The following C6orf15 variants were observed in gnomAD, a reference collection of about 807,000 sequenced individuals.
The protein encoded by C6orf15 is chromosome 6 open reading frame 15.
C6orf15 carries 5 observed loss-of-function variants against 2.8 expected under a neutral mutation model. That is an observed-to-expected ratio of 1.80 (90% CI 0.94 to 3.78). The LOEUF (loss-of-function observed/expected upper bound fraction) is 3.78. Ranked by LOEUF, C6orf15 falls within the 30% of genes most tolerant of loss-of-function variation. The pLI is 0.00. For synonymous variants in C6orf15, 145 were observed against 163.2 expected (o/e 0.89, Z 0.85); for missense variants, 363 against 418.8 (o/e 0.87, Z 1.16).
Position 31,111,974 on chromosome 6 carries a change from C to G in C6orf15, c.385G>C (p.Glu129Gln). ...MAAAAEDRLG[E>Q]ALPEELSYLS... ...TAAGAGAGTTCTTCAGGCAGCGCTT[C>G]CCCCAGGCGGTCCTCAGCCGCAGCA... Residue 129 changes from glutamate to glutamine, a missense_variant, in exon 2 of 2, where the codon GAA (glutamate) becomes CAA (glutamine). Glu to Gln is a conservative substitution (Grantham distance 29). Coordinates refer to ENST00000259870, the MANE Select transcript of C6orf15 (RefSeq NM_014070.3). The G allele has an allele frequency of 6.2e-7, 1 of 1,613,306 alleles. No homozygotes were observed. Among genetic ancestry groups the G allele is most frequent in the Non-Finnish European group, 8.5e-7 (1 of 1,179,996 alleles).
At position 31,111,750 on chromosome 6, in the gene C6orf15, A is replaced by ATC; in HGVS notation, c.608_609insGA (p.Leu204IlefsTer10). The ATC allele has an allele frequency of 6.2e-7, 1 of 1,612,582 alleles. No homozygotes were observed. Among genetic ancestry groups the ATC allele is most frequent in the Non-Finnish European group, 8.5e-7 (1 of 1,179,802 alleles). ...GGGTACCCCAGGGGTGATCAGGCAGAACCCTGTGGATGAGAGACCAGGGAG... is the reference window on the plus strand; with the variant it reads ...GGGTACCCCAGGGGTGATCAGGCAGATCACCCTGTGGATGAGAGACCAGGGAG... On this transcript the variant is annotated frameshift_variant, in exon 2 of 2. Coordinates refer to ENST00000259870, the MANE Select transcript of C6orf15 (RefSeq NM_014070.3). LOFTEE classifies it low-confidence loss of function (END_TRUNC).
At position 31,112,112 on chromosome 6, in the gene C6orf15, C is replaced by G. The variant is rs1265053; in HGVS notation, c.247G>C (p.Ala83Pro). 0.52 allele frequency: 845,986 copies of G among 1,613,682 alleles called. 224,176 individuals carry two copies. Among genetic ancestry groups the G allele is most frequent in the South Asian group, 0.62 (56,461 of 91,078 alleles). ...CCTGCAGGTGGGAAGCCATCTGATG[C>G]AGGCACGCTGAGCTTCAGAGGAACC... ...ARVPLKLSVP[A>P]SDGFPPAGGS... Residue 83 changes from alanine to proline, a missense_variant, in exon 2 of 2, where the codon GCA becomes CCA. Ala to Pro is a conservative substitution (Grantham distance 27, BLOSUM62 -1). Coordinates refer to ENST00000259870, the MANE Select transcript of C6orf15 (RefSeq NM_014070.3).
In C6orf15 at chr6:31,111,598, T is replaced by C; in HGVS notation, c.761A>G (p.Asn254Ser). 6.2e-7 allele frequency: 1 copy of C among 1,612,832 alleles called. No homozygotes were observed. Among genetic ancestry groups the C allele is most frequent in the Non-Finnish European group, 8.5e-7 (1 of 1,179,908 alleles). Residue 254 changes from asparagine to serine, a missense_variant, in exon 2 of 2, where the codon AAT becomes AGT. Physicochemically the swap from Asn to Ser is conservative, Grantham distance 46. Transcript: ENST00000259870. ...TCCCCAGCTGCCTCCTGGATACCGA[T>C]TAATATTTCCCCAGCTGGTACCTGG... ...QPPGTSWGNINRYPGGSWGNI... is the reference protein window; with the variant it reads ...QPPGTSWGNISRYPGGSWGNI...
At chr6:31,112,435 G>A in intron 1 of C6orf15, 54 bp downstream of exon 1, 3 of 1,479,218 alleles carry the variant, frequency 2.0e-6, no homozygotes, top group Non-Finnish European at 2.7e-6. Flanking sequence ...CTTAATTCCT[G>A]TTTCCTGGGG....
Position 31,112,212 on chromosome 6 carries a change from T to C in C6orf15, c.147A>G (p.Gln49=). 1 of 1,613,982 alleles carries C rather than the reference T, an allele frequency of 6.2e-7. No individual in the cohort carries two copies. Among genetic ancestry groups the C allele is most frequent in the Non-Finnish European group, 8.5e-7 (1 of 1,179,958 alleles). Residue 49 remains glutamine, a synonymous_variant, in exon 2 of 2, where the codon CAA becomes CAG. Coordinates refer to ENST00000259870, the MANE Select transcript of C6orf15 (RefSeq NM_014070.3). ...AGTTAGAGGGGCCAGTGGAGGAAGG[T>C]TGTCCGAGCTGAGGCAAGTTGGTCC... The part of the protein sequence containing the change: ...NLGTNLPQLG[Q]PSSTGPSNSE...
chr6:31,112,215 TC>T lies in C6orf15; in HGVS notation c.143del (p.Gly48AspfsTer30). On this transcript the variant is annotated frameshift_variant, in exon 2 of 2. Coordinates refer to ENST00000259870, the MANE Select transcript of C6orf15 (RefSeq NM_014070.3). LOFTEE classifies it low-confidence loss of function (END_TRUNC). ...TAGAGGGGCCAGTGGAGGAAGGTTG[TC>T]CGAGCTGAGGCAAGTTGGTCCCCAA... The part of the protein sequence containing the change: ...QNLGTNLPQL[G>X]QPSSTGPSNS... 6.2e-7 allele frequency: 1 copy of T among 1,614,080 alleles called. No homozygotes were observed. Among genetic ancestry groups the T allele is most frequent in the Non-Finnish European group, 8.5e-7 (1 of 1,179,990 alleles).
At chr6:31,112,325 C>G (rs1771834011) in intron 1 of C6orf15, 34 bp from the exon 2 acceptor site, 1 of 1,575,354 alleles carries the variant, frequency 6.3e-7, no homozygotes, top group Non-Finnish European at 8.6e-7. Context: ...AACCAGTGGT[C>G]TCCAGTCCCC....
In C6orf15 at chr6:31,112,540, C is replaced by T. The variant is rs780743237; in HGVS notation, c.16G>A (p.Ala6Thr). The change falls in exon 1 of 2, where the codon GCA (alanine) becomes ACA (threonine). Residue 6 changes from alanine (A) to threonine (T), a missense_variant. Coordinates refer to ENST00000259870, the MANE Select transcript of C6orf15 (RefSeq NM_014070.3). The part of the protein sequence containing the change: MQGRV[A>T]GSCAPLGLLL... ...AGGCCCAGAGGAGCGCAGCTCCCTGCCACGCGGCCCTGCATCCTGCTCAGC... is the reference window on the plus strand; with the variant it reads ...AGGCCCAGAGGAGCGCAGCTCCCTGTCACGCGGCCCTGCATCCTGCTCAGC... 2 of 1,548,576 alleles carry T rather than the reference C, an allele frequency of 1.3e-6. No homozygotes were observed. The highest frequency in any genetic ancestry group is 1.4e-5 in the African/African-American group (1 of 72,960).
rs1771761431 is a variant in C6orf15 at position 31,111,317 on chromosome 6, C to G, written c.*64G>C. 5 of 1,421,214 alleles carry G rather than the reference C, an allele frequency of 3.5e-6. No homozygotes were observed. The highest frequency in any genetic ancestry group is 4.7e-6 in the Non-Finnish European group (5 of 1,054,652). The allele number at this position is 1,421,214 out of a possible 1,614,324, so 88.0% of individuals were successfully genotyped here. ...ACATGCTGACAGGGCCTGGATTGAGCCCACACAGCAAGGGGCGGGAGCAGG... is the reference window on the plus strand; with the variant it reads ...ACATGCTGACAGGGCCTGGATTGAGGCCACACAGCAAGGGGCGGGAGCAGG... On this transcript the variant is annotated 3_prime_UTR_variant, in exon 2 of 2. Transcript: ENST00000259870.
rs774124600 is a variant in C6orf15 at position 31,111,693 on chromosome 6, G to A, written c.666C>T (p.Gly222=). The change falls in exon 2 of 2, where the codon GGC becomes GGT. Residue 222 remains glycine (G), a synonymous_variant. Transcript: ENST00000259870. ...GCCTCGTTCCCCAACCAGTCCCAGGGCCTCCACCTCCCCAGGACACACTGG... is the reference window on the plus strand; with the variant it reads ...GCCTCGTTCCCCAACCAGTCCCAGGACCTCCACCTCCCCAGGACACACTGG... The part of the protein sequence containing the change: ...LNPSVSWGGG[G]PGTGWGTRPM... The A allele has an allele frequency of 3.4e-5, 54 of 1,609,194 alleles. No individual in the cohort carries two copies. Among genetic ancestry groups the A allele is most frequent in the Non-Finnish European group, 4.2e-5 (50 of 1,177,328 alleles).
At position 31,112,042 on chromosome 6, in the gene C6orf15, G is replaced by C; in HGVS notation, c.317C>G (p.Ala106Gly). ...ATCCTCAGGGGGCCAGGAATCCATG[G>C]CAGGCAGCCCCCACGATGGAGGCCA... ...QRWPPSWGLP[A>G]MDSWPPEDPW... is the part of the protein sequence containing the mutation. The change falls in exon 2 of 2, where the codon GCC (alanine) becomes GGC (glycine). Residue 106 changes from alanine to glycine, a missense_variant. Ala to Gly is a moderately conservative substitution (Grantham distance 60). Coordinates refer to ENST00000259870, the MANE Select transcript of C6orf15 (RefSeq NM_014070.3). 6.2e-7 allele frequency: 1 copy of C among 1,614,094 alleles called. No individual in the cohort carries two copies. The highest frequency in any genetic ancestry group is 8.5e-7 in the Non-Finnish European group (1 of 1,180,002).
chr6:31,111,876 G>T lies in C6orf15; in HGVS notation c.483C>A (p.Gly161=). The part of the protein sequence containing the change: ...LPGESSPDAT[G]LSPKASLLHQ... Reference sequence around the variant, plus strand: ...GGAGGAGTGAAGCCTTGGGTGAGAGGCCTGTGGCATCGGGAGAAGACTCCC... The same window carrying T: ...GGAGGAGTGAAGCCTTGGGTGAGAGTCCTGTGGCATCGGGAGAAGACTCCC... Residue 161 remains glycine (G), a synonymous_variant, in exon 2 of 2, where the codon GGC becomes GGA. Transcript: ENST00000259870. The T allele has an allele frequency of 6.2e-7, 1 of 1,612,808 alleles. No individual in the cohort carries two copies. Among genetic ancestry groups the T allele is most frequent in the East Asian group, 2.2e-5 (1 of 44,878 alleles).
Position 31,112,125 on chromosome 6 carries a change from C to G in C6orf15, c.234G>C (p.Lys78Asn). Residue 78 changes from lysine (K) to asparagine (N), a missense_variant, in exon 2 of 2, where the codon AAG (lysine) becomes AAC (asparagine). By Grantham distance (94) the Lys-to-Asn change is moderately conservative (BLOSUM62 0). Coordinates refer to ENST00000259870, the MANE Select transcript of C6orf15 (RefSeq NM_014070.3). ...RSNDLARVPL[K>N]LSVPASDGFP... The stretch of plus-strand genomic sequence containing the variant: ...AGCCATCTGATGCAGGCACGCTGAG[C>G]TTCAGAGGAACCCTTGCCAAGTCAT... The G allele has an allele frequency of 6.2e-7, 1 of 1,614,114 alleles. No individual in the cohort carries two copies. Among genetic ancestry groups the G allele is most frequent in the Non-Finnish European group, 8.5e-7 (1 of 1,179,992 alleles).
chr6:31,112,377 T>C, intron 1 of C6orf15, 86 bp from the exon 2 acceptor site: 1 of 1,468,864 alleles, frequency 6.8e-7, no homozygotes, highest in Non-Finnish European at 9.3e-7. Context: ...CTATTCTTCC[T>C]TTTCCCTCAG....
In C6orf15 at chr6:31,111,295, T is replaced by C; in HGVS notation, c.*86A>G. The C allele has an allele frequency of 8.0e-7, 1 of 1,243,582 alleles. No homozygotes were observed. The highest frequency in any genetic ancestry group is 1.1e-6 in the Non-Finnish European group (1 of 906,582). 77.0% of individuals were successfully genotyped at this position (1,243,582 alleles called of 1,614,324 possible). A position where few individuals can be genotyped will look rare whatever the true frequency, so the allele number is the denominator to read the frequency against. On this transcript the variant is annotated 3_prime_UTR_variant, in exon 2 of 2. Coordinates refer to ENST00000259870, the MANE Select transcript of C6orf15 (RefSeq NM_014070.3). ...AAAAGTGGGGATAGTGCTGGAAACA[T>C]GCTGACAGGGCCTGGATTGAGCCCA...
In C6orf15 at chr6:31,111,529, C is replaced by G. The variant is rs138723075; in HGVS notation, c.830G>C (p.Arg277Pro). The G allele has an allele frequency of 1.2e-6, 2 of 1,600,824 alleles. No individual in the cohort carries two copies. Among genetic ancestry groups the G allele is most frequent in the South Asian group, 2.2e-5 (2 of 90,144 alleles). Residue 277 changes from arginine to proline, a missense_variant, in exon 2 of 2, where the codon CGG becomes CCG. Arg to Pro is a moderately radical substitution (Grantham distance 103). Transcript: ENST00000259870. Reference sequence around the variant, plus strand: ...ATTCCCCCAGCTGCCTCCTGGATACCGATTAATATTCCCCCAGCTGCCTCC... The same window carrying G: ...ATTCCCCCAGCTGCCTCCTGGATACGGATTAATATTCCCCCAGCTGCCTCC... ...YPGGSWGNINRYPGGSWGNIH... is the reference protein window; with the variant it reads ...YPGGSWGNINPYPGGSWGNIH...
chr6:31,112,300 A>C lies in C6orf15; in HGVS notation c.68-9T>G. ...GCTCCGGGCAAAGAGGCCTGAGGGA[A>C]AGGGAAGATAAAGCAACCAGTGGTC... On this transcript the variant is annotated splice_polypyrimidine_tract_variant and intron_variant, in intron 1 of 1. Transcript: ENST00000259870. 6.2e-7 allele frequency: 1 copy of C among 1,600,184 alleles called. No homozygotes were observed. Among genetic ancestry groups the C allele is most frequent in the Non-Finnish European group, 8.5e-7 (1 of 1,173,292 alleles).
Position 31,111,619 on chromosome 6 carries a change from C to T in C6orf15, c.740G>A (p.Gly247Asp). 1 of 1,612,868 alleles carries T rather than the reference C, an allele frequency of 6.2e-7. No individual in the cohort carries two copies. Among genetic ancestry groups the T allele is most frequent in the Non-Finnish European group, 8.5e-7 (1 of 1,179,942 alleles). The change falls in exon 2 of 2, where the codon GGT becomes GAT. Residue 247 changes from glycine (G) to aspartate (D), a missense_variant. Transcript: ENST00000259870. ...CCGATTAATATTTCCCCAGCTGGTA[C>T]CTGGGGGTTGATTATTGATACCCCA... ...GIWGINNQPPGTSWGNINRYP... is the reference protein window; with the variant it reads ...GIWGINNQPPDTSWGNINRYP...
At position 31,112,488 on chromosome 6, in the gene C6orf15, C is replaced by G; in HGVS notation, c.67+1G>C. ...GCCCAAGGGCATCACGGCCTCCATA[C>G]CTGGGAGATGAAGACAGACCAGGAG... On this transcript the variant is annotated splice_donor_variant, in intron 1 of 1. Transcript: ENST00000259870. LOFTEE classifies it high-confidence loss of function. 2.6e-6 allele frequency: 4 copies of G among 1,552,198 alleles called. No individual in the cohort carries two copies. Among genetic ancestry groups the G allele is most frequent in the Non-Finnish European group, 3.5e-6 (4 of 1,146,952 alleles).
Sources: gnomAD v4.1 joint callset for allele counts on GRCh38, gnomAD v4.1.1 for gene constraint, MANE v1.5 for transcripts, NCBI Gene and HGNC (gene_info 2026-07-23, HGNC 2026-07-21) for gene names.